Variants in MCTP1 observed in about 807,000 individuals in gnomAD.
The protein encoded by MCTP1 is multiple C2 and transmembrane domain-containing protein 1.
In MCTP1, 69 loss-of-function variants were observed where a neutral mutation model predicts 120.6. The ratio of observed to expected loss-of-function variants is 0.57; its 90% CI spans 0.47 to 0.70. MCTP1 has a LOEUF of 0.70. MCTP1 is among the 30% of genes least tolerant of loss of function. MCTP1 has a pLI of 0.00. For missense variants in MCTP1, 1,203 were observed against 1,248.8 expected (o/e 0.96, Z 0.55); for synonymous variants, 529 against 493.1 (o/e 1.07, Z -0.96).
At chr5:94,846,829 G>C (rs1015601047) in intron 17 of MCTP1, among the ~76,000 whole-genome samples, 45 of 152,014 alleles carry the variant, frequency 3.0e-4, no homozygotes, top group African/African-American at 1.1e-3. Flanking sequence ...GTGTGTGTGT[G>C]TGTGTGTGTG....
Position 94,871,016 on chromosome 5 carries a change from A to G in MCTP1, c.2140-43T>C, listed in dbSNP as rs147128927. The stretch of plus-strand genomic sequence containing the variant: ...GACAGCCGTCTGTCTCGCGGTCTCT[A>G]CTGAATACACTCCCTCAGTGACCTT... On this transcript the variant is annotated intron_variant, in intron 14 of 22. Transcript: ENST00000515393. The G allele has an allele frequency of 4.8e-5, 70 of 1,454,078 alleles. No homozygotes were observed. In the East Asian group the frequency reaches 1.5e-3, roughly 31 times the overall value. The allele number at this position is 1,454,078 out of a possible 1,614,324, so 90.1% of individuals were successfully genotyped here. A position where few individuals can be genotyped will look rare whatever the true frequency, so the allele number is the denominator to read the frequency against.
At chr5:94,734,529 T>C (rs1007647027) in intron 19 of MCTP1, among the ~76,000 whole-genome samples, 1 of 152,248 alleles carries the variant, frequency 6.6e-6, no homozygotes, top group African/African-American at 2.4e-5. Flanking sequence ...GAATCTGTTA[T>C]ATTGAACATA....
intron 1 of MCTP1, among the ~76,000 whole-genome samples, chr5:95,183,594 T>C (rs1277801964): frequency 6.6e-6 from 1 of 152,020 alleles, no homozygotes; most frequent in Non-Finnish European, 1.5e-5. Context: ...ATCCAAAATA[T>C]ATAATGAGAT....
intron 1 of MCTP1, among the ~76,000 whole-genome samples, chr5:95,061,653 TCTCGATCTC>T (rs1749259598): frequency 6.6e-6 from 1 of 151,742 alleles, no homozygotes; most frequent in Non-Finnish European, 1.5e-5. Context: ...GCCGGGATGG[TCTCGATCTC>T]CTGACCTCGT....
chr5:95,057,286 T>C (rs1265038044), intron 1 of MCTP1, among the ~76,000 whole-genome samples: 1 of 152,134 alleles, frequency 6.6e-6, no homozygotes, highest in Non-Finnish European at 1.5e-5. Context: ...AACCTTTAAA[T>C]GGGCAGTACA....
At chr5:95,115,392 A>C (rs1350316583) in intron 1 of MCTP1, among the ~76,000 whole-genome samples, 2 of 152,106 alleles carry the variant, frequency 1.3e-5, no homozygotes, top group African/African-American at 4.8e-5. Context: ...TAATACAAAG[A>C]AGGAATTCAG....
chr5:94,794,578 T>C (rs181507915), intron 18 of MCTP1, among the ~76,000 whole-genome samples: 21 of 152,306 alleles, frequency 1.4e-4, no homozygotes, highest in African/African-American at 5.1e-4. Flanking sequence ...CAGGGCACAA[T>C]TGGGTTCACA....
chr5:95,107,587 G>T (rs1369357918), intron 1 of MCTP1, among the ~76,000 whole-genome samples: 1 of 152,186 alleles, frequency 6.6e-6, no homozygotes, highest in Non-Finnish European at 1.5e-5. Flanking sequence ...AAGCTAAAAA[G>T]TAAATAAAGT....
At chr5:95,184,834 ACCAGTTCTG>A (rs1211368404) in intron 1 of MCTP1, among the ~76,000 whole-genome samples, 1 of 152,126 alleles carries the variant, frequency 6.6e-6, no homozygotes. Context: ...ATCTGCCTCA[ACCAGTTCTG>A]CCATCTCACC....
At chr5:95,224,832 C>T (rs759651519) in intron 1 of MCTP1, among the ~76,000 whole-genome samples, 4 of 152,120 alleles carry the variant, frequency 2.6e-5, no homozygotes, top group Non-Finnish European at 4.4e-5. Context: ...TTTAACACCC[C>T]CAATCATTTG....
rs142559824 is a variant in MCTP1, at chr5:94,835,221, T to C, written c.2436+33112A>G. Among the ~76,000 whole-genome samples the C allele has an allele frequency of 3.7e-3, 570 of 152,330 alleles. 1 individual carries two copies. The highest frequency in any genetic ancestry group is 6.0e-3 in the Non-Finnish European group (408 of 68,022). On this transcript the variant is annotated intron_variant, in intron 17 of 22. Transcript: ENST00000515393. Reference sequence around the variant, plus strand: ...TTTTGAAAGGGAAGGTGATTTTAATTATTAACTGATTCTCTACTATGATGT... The same window carrying C: ...TTTTGAAAGGGAAGGTGATTTTAATCATTAACTGATTCTCTACTATGATGT...
chr5:95,247,886 T>G (rs554811214), intron 1 of MCTP1, among the ~76,000 whole-genome samples: 1 of 152,214 alleles, frequency 6.6e-6, no homozygotes, highest in African/African-American at 2.4e-5. Context: ...GGGTATAGAG[T>G]TCTGTAGATA....
chr5:95,047,371 C>T (rs965121671), intron 1 of MCTP1, among the ~76,000 whole-genome samples: 3 of 152,112 alleles, frequency 2.0e-5, no homozygotes, highest in Middle Eastern at 3.2e-3. Context: ...GAATGTTTCT[C>T]ATGGCCAATT....
At chr5:94,726,272 T>A (rs1253358772) in intron 19 of MCTP1, among the ~76,000 whole-genome samples, 1 of 152,218 alleles carries the variant, frequency 6.6e-6, no homozygotes, top group Middle Eastern at 3.2e-3. Flanking sequence ...GTTTACAATA[T>A]TCCCCACCCA....
At chr5:95,133,426 C>G (rs113823366) in intron 1 of MCTP1, among the ~76,000 whole-genome samples, 4,082 of 152,286 alleles carry the variant, frequency 0.027, 74 homozygotes, top group Non-Finnish European at 0.042. Context: ...AATCCCAGTA[C>G]TTTGGGAGGC....
intron 1 of MCTP1, among the ~76,000 whole-genome samples, chr5:95,122,020 C>T (rs1758284009): frequency 6.7e-6 from 1 of 150,226 alleles, no homozygotes; most frequent in Middle Eastern, 3.2e-3. Flanking sequence ...AAAATTAAAT[C>T]TAAGACCTCA....
chr5:94,789,876 CAT>C (rs1778523925), intron 18 of MCTP1, among the ~76,000 whole-genome samples: 1 of 152,016 alleles, frequency 6.6e-6, no homozygotes, highest in South Asian at 2.1e-4. Context: ...AGTAATTTTG[CAT>C]AAAAATTAGA....
intron 1 of MCTP1, among the ~76,000 whole-genome samples, chr5:95,092,532 T>C (rs1429347409): frequency 6.6e-6 from 1 of 152,164 alleles, no homozygotes; most frequent in Non-Finnish European, 1.5e-5. Context: ...TTTTGAATGT[T>C]CCCAACACAA....
intron 1 of MCTP1, among the ~76,000 whole-genome samples, chr5:95,262,829 T>C (rs929473559): frequency 2.6e-5 from 4 of 152,206 alleles, no homozygotes; most frequent in African/African-American, 9.7e-5. Flanking sequence ...TGTCAAACAA[T>C]GTCATCTATC....
Sources: gnomAD v4.1 joint callset for allele counts (sites outside exome capture counted in the v4.1 genomes callset) on GRCh38, gnomAD v4.1.1 for gene constraint, MANE v1.5 for transcripts, NCBI Gene and HGNC (gene_info 2026-07-23, HGNC 2026-07-21) for gene names.